Variants in PCCB observed in about 807,000 individuals in gnomAD.
PCCB encodes the protein propionyl-CoA carboxylase subunit beta, also known as propionyl-CoA carboxylase beta chain, mitochondrial.
A neutral mutation model predicts 60.7 loss-of-function variants in PCCB; 43 were observed. That is an observed-to-expected ratio of 0.71 (90% CI 0.55 to 0.91). The LOEUF (loss-of-function observed/expected upper bound fraction) is 0.91. Ranked by LOEUF, PCCB falls within the 40% of genes least tolerant of loss-of-function variation. The probability of loss-of-function intolerance (pLI) is 0.00; values close to 1 mark genes in which losing one functional copy is unlikely to be tolerated. For missense variants in PCCB, 766 were observed against 702.8 expected, an observed-to-expected ratio of 1.09 and a Z score of -1.02; for synonymous variants, 276 against 255.9, an observed-to-expected ratio of 1.08 and a Z score of -0.75.
At chr3:136,255,198 T>C in intron 1 of PCCB, 1 of 155,074 alleles carries the variant, frequency 6.4e-6, no homozygotes, top group Non-Finnish European at 1.4e-5. Context: ...TAAACTCTTC[T>C]CAAGTGAGCT....
intron 8 of PCCB, among the ~76,000 whole-genome samples, chr3:136,300,642 C>T (rs547471078): frequency 5.3e-5 from 8 of 152,274 alleles, no homozygotes; most frequent in Admixed American, 5.2e-4. Flanking sequence ...ATTTCCAAGT[C>T]CTTGTTCTTT....
intron 10 of PCCB, 61 bp downstream of exon 10, chr3:136,317,125 A>G (rs1232273025): frequency 1.7e-5 from 27 of 1,574,912 alleles, no homozygotes; most frequent in Non-Finnish European, 2.4e-5. Context: ...GCCTGGGTCC[A>G]TGGTATCCTT....
chr3:136,302,103 A>C (rs1264538509), intron 9 of PCCB, among the ~76,000 whole-genome samples: 16 of 152,360 alleles, frequency 1.1e-4, no homozygotes. Flanking sequence ...CTCTGTGATC[A>C]GAAGCAGCAG....
Position 136,262,017 on chromosome 3 carries a change from G to T in PCCB, c.495G>T (p.Arg165=). 6.4e-7 allele frequency: 1 copy of T among 1,560,492 alleles called. No homozygotes were observed. Among genetic ancestry groups the T allele is most frequent in the Non-Finnish European group, 8.7e-7 (1 of 1,151,050 alleles). Residue 165 remains arginine, a synonymous_variant, in exon 5 of 15, where the codon CGG becomes CGT. Transcript: ENST00000251654. ...VIGLNDSGGA[R]IQEGVESLAG... is the part of the protein sequence containing the mutation. ...GGCTGAATGACTCTGGGGGAGCACGGATCCAAGAAGGAGTGGAGTCTTTGG... is the reference window on the plus strand; with the variant it reads ...GGCTGAATGACTCTGGGGGAGCACGTATCCAAGAAGGAGTGGAGTCTTTGG...
chr3:136,269,402 T>C (rs765908272), intron 5 of PCCB, among the ~76,000 whole-genome samples: 16 of 152,248 alleles, frequency 1.1e-4, no homozygotes, highest in Non-Finnish European at 2.1e-4. Context: ...GCTGAGGTTG[T>C]GTATTAGCTT....
chr3:136,305,250 A>G lies in PCCB; in HGVS notation c.966+4139A>G, dbSNP rs1440869294. On this transcript the variant is annotated intron_variant, in intron 9 of 14. Transcript: ENST00000251654. ...GCTGGGATTACAGGTGTGTGCCACC[A>G]TGCCTGGCTAATTTTTGTATTTTTA... Among the ~76,000 whole-genome samples the G allele has an allele frequency of 3.5e-4, 41 of 117,736 alleles. 12 individuals are homozygous for G. The highest frequency in any genetic ancestry group is 6.0e-4 in the Non-Finnish European group (32 of 53,132). 77.2% of individuals were successfully genotyped at this position (117,736 alleles called of 152,430 possible). A position where few individuals can be genotyped will look rare whatever the true frequency, so the allele number is the denominator to read the frequency against.
chr3:136,268,491 T>C (rs1287557351), intron 5 of PCCB, among the ~76,000 whole-genome samples: 12 of 149,310 alleles, frequency 8.0e-5, no homozygotes, highest in Admixed American at 4.1e-4. Context: ...TTAGATGTAG[T>C]CTCGCTTTGT....
chr3:136,259,202 C>T (rs1335628934), intron 3 of PCCB: 8 of 1,430,532 alleles, frequency 5.6e-6, no homozygotes, highest in East Asian at 2.8e-5. Context: ...CACAGTGGCT[C>T]CCGCTTGTCA....
chr3:136,261,199 T>C (rs1379047013), intron 4 of PCCB, among the ~76,000 whole-genome samples: 3 of 152,188 alleles, frequency 2.0e-5, no homozygotes, highest in Admixed American at 6.5e-5. Flanking sequence ...TATGCTGATA[T>C]TTAAAAACTA....
Position 136,267,581 on chromosome 3 carries a change from G to A in PCCB, c.543+5516G>A, listed in dbSNP as rs976818436. 8.6e-5 allele frequency among the ~76,000 whole-genome samples: 13 copies of A among 152,000 alleles called. 1 individual carries two copies. Among genetic ancestry groups the A allele is most frequent in the Non-Finnish European group, 1.5e-4 (10 of 67,982 alleles). On this transcript the variant is annotated intron_variant, in intron 5 of 14. Coordinates refer to ENST00000251654, the MANE Select transcript of PCCB (RefSeq NM_000532.5). The stretch of plus-strand genomic sequence containing the variant: ...CTCACTGCAGCCTGGACTTCCCGGG[G>A]TCAGGCAGTCCTCCTGCCTCATCCT...
chr3:136,311,557 C>T (rs1934667934), intron 9 of PCCB, among the ~76,000 whole-genome samples: 1 of 151,994 alleles, frequency 6.6e-6, no homozygotes, highest in African/African-American at 2.4e-5. Context: ...CCAGGCTGGT[C>T]TCGAACTCTT....
chr3:136,258,960 C>T (rs1037503724), intron 3 of PCCB, among the ~76,000 whole-genome samples: 1 of 151,920 alleles, frequency 6.6e-6, no homozygotes, highest in Non-Finnish European at 1.5e-5. Context: ...GCTTTCAGTT[C>T]CCCCCAAATT....
chr3:136,289,789 C>T (rs868842760), intron 6 of PCCB, among the ~76,000 whole-genome samples: 2 of 141,792 alleles, frequency 1.4e-5, no homozygotes, highest in African/African-American at 2.7e-5. Flanking sequence ...ACATGTTATA[C>T]TTTTTTTTTA....
At chr3:136,265,307 AG>A (rs1423664763) in intron 5 of PCCB, among the ~76,000 whole-genome samples, 3 of 152,356 alleles carry the variant, frequency 2.0e-5, no homozygotes, top group Non-Finnish European at 4.4e-5. Context: ...GCCATAATCT[AG>A]TTTTCAAACC....
intron 10 of PCCB, among the ~76,000 whole-genome samples, chr3:136,318,296 G>A (rs1332788496): frequency 6.6e-6 from 1 of 152,088 alleles, no homozygotes; most frequent in Non-Finnish European, 1.5e-5. Context: ...GTAGTGAGCC[G>A]GGGATTGTGT....
chr3:136,281,356 T>C (rs2108177933), intron 5 of PCCB, among the ~76,000 whole-genome samples: 1 of 152,186 alleles, frequency 6.6e-6, no homozygotes, highest in Middle Eastern at 3.4e-3. Flanking sequence ...TGTATTCCAG[T>C]TTCCTGATCC....
intron 6 of PCCB, among the ~76,000 whole-genome samples, chr3:136,292,511 A>G (rs1023557474): frequency 6.6e-6 from 1 of 152,240 alleles, no homozygotes; most frequent in African/African-American, 2.4e-5. Context: ...TGCTTATTAT[A>G]CTAAAGTTTT....
chr3:136,316,136 CTT>C (rs1293073376), intron 9 of PCCB, among the ~76,000 whole-genome samples: 2 of 151,452 alleles, frequency 1.3e-5, no homozygotes, highest in African/African-American at 4.9e-5. Context: ...GGGAAGATCA[CTT>C]GAGCCCAGGA....
intron 9 of PCCB, among the ~76,000 whole-genome samples, chr3:136,310,670 T>C (rs1934629631): frequency 6.6e-6 from 1 of 152,226 alleles, no homozygotes; most frequent in Non-Finnish European, 1.5e-5. Context: ...AAAAGAAGTA[T>C]GATATCAGTA....
Sources: allele counts gnomAD v4.1 joint callset (sites outside exome capture counted in the v4.1 genomes callset), GRCh38; gene constraint gnomAD v4.1.1; transcripts MANE v1.5; gene names NCBI Gene and HGNC (gene_info 2026-07-23, HGNC 2026-07-21).